The following KIF1B variants were observed in gnomAD, a reference collection of about 807,000 sequenced individuals.
The protein encoded by KIF1B is kinesin-like protein KIF1B.
A neutral mutation model predicts 241.9 loss-of-function variants in KIF1B; 76 were observed. The ratio of observed to expected loss-of-function variants is 0.31; its 90% CI spans 0.26 to 0.38. The LOEUF is 0.38. Among genes scored for constraint, KIF1B ranks in the 10% least tolerant of loss-of-function variants. The probability of loss-of-function intolerance (pLI) is 1.00; values close to 1 mark genes in which losing one functional copy is unlikely to be tolerated. For synonymous variants in KIF1B, 750 were observed against 796.7 expected (o/e 0.94, Z 0.99); for missense variants, 1,622 against 2,271.4 (o/e 0.71, Z 5.81).
chr1:10,318,589 G>T (rs1651395572), intron 22 of KIF1B, among the ~76,000 whole-genome samples: 1 of 151,892 alleles, frequency 6.6e-6, no homozygotes, highest in African/African-American at 2.4e-5. Flanking sequence ...CATGGTGGCG[G>T]GCACCTGTAG....
intron 5 of KIF1B, among the ~76,000 whole-genome samples, chr1:10,262,688 A>G (rs1648216907): frequency 6.6e-6 from 1 of 152,070 alleles, no homozygotes; most frequent in Non-Finnish European, 1.5e-5. Flanking sequence ...TAAATTTTGA[A>G]TTTCTTTGAT....
chr1:10,313,459 G>T (rs1404244992), intron 22 of KIF1B, among the ~76,000 whole-genome samples: 2 of 151,318 alleles, frequency 1.3e-5, no homozygotes, highest in African/African-American at 4.9e-5. Flanking sequence ...TTAAAAACCG[G>T]GGTAGATAGG....
At position 10,322,685 on chromosome 1, in the gene KIF1B, T is replaced by C. The variant is rs1002876018; in HGVS notation, c.2358+828T>C. Among the ~76,000 whole-genome samples the C allele has an allele frequency of 4.6e-5, 7 of 152,202 alleles. No individual in the cohort carries two copies. The East Asian group carries it at 1.3e-3, about 29-fold the overall frequency. ...AATTCTAGTTTTAGGGAATACGATA[T>C]GTTCTTCATTCATAATCTTGGCAGC... On this transcript the variant is annotated intron_variant, in intron 24 of 48. Transcript: ENST00000676179.
chr1:10,376,128 A>AT (rs1486109713), intron 48 of KIF1B, among the ~76,000 whole-genome samples: 7 of 152,094 alleles, frequency 4.6e-5, no homozygotes, highest in Admixed American at 1.3e-4. Context: ...TTCAAAATAA[A>AT]TTTAAAAGAG....
At chr1:10,312,733 G>A (rs1651122647) in intron 22 of KIF1B, among the ~76,000 whole-genome samples, 1 of 151,582 alleles carries the variant, frequency 6.6e-6, no homozygotes, top group Admixed American at 6.6e-5. Flanking sequence ...CAGTCTAGAA[G>A]TCTGTCTCCC....
intron 1 of KIF1B, among the ~76,000 whole-genome samples, chr1:10,223,167 G>A (rs1571092700): frequency 6.6e-6 from 1 of 152,068 alleles, no homozygotes; most frequent in South Asian, 2.1e-4. Flanking sequence ...CAGGAGAATC[G>A]CTTGAACCTG....
rs994563742 is a variant in KIF1B, at chr1:10,316,995, C to T, written c.2116-3048C>T. ...AGGCCTGATCATAGCGCACTACAGC[C>T]TTCAACTCCTGGGCTCCAGGGATCC... is the stretch of plus-strand genomic sequence containing the variant. On this transcript the variant is annotated intron_variant, in intron 22 of 48. Coordinates refer to ENST00000676179, the MANE Select transcript of KIF1B (RefSeq NM_001365951.3). 3.9e-4 allele frequency among the ~76,000 whole-genome samples: 59 copies of T among 151,298 alleles called. 2 individuals carry two copies. The highest frequency in any genetic ancestry group is 1.5e-3 in the African/African-American group (59 of 40,658).
chr1:10,342,939 C>T (rs569694163), intron 33 of KIF1B, among the ~76,000 whole-genome samples: 1 of 152,244 alleles, frequency 6.6e-6, no homozygotes, highest in East Asian at 1.9e-4. Flanking sequence ...GTTCTGTTTA[C>T]GTTAATGTTG....
At chr1:10,305,104 A>G (rs1177884893) in intron 22 of KIF1B, 2 of 1,067,082 alleles carry the variant, frequency 1.9e-6, no homozygotes, top group African/African-American at 3.3e-5. Flanking sequence ...AAATAATAAC[A>G]TGCAACTGGG....
chr1:10,343,625 G>T (rs1652481107), intron 34 of KIF1B, among the ~76,000 whole-genome samples: 1 of 152,148 alleles, frequency 6.6e-6, no homozygotes, highest in African/African-American at 2.4e-5. Flanking sequence ...GGGCATGGTG[G>T]CACACGCCTG....
chr1:10,375,111 C>G, intron 47 of KIF1B, 65 bp downstream of exon 47: 1 of 1,563,030 alleles, frequency 6.4e-7, no homozygotes, highest in Admixed American at 1.7e-5. Context: ...TTTCTGCACT[C>G]TCTGTTACGT....
At chr1:10,310,099 T>G (rs1221714521) in intron 22 of KIF1B, among the ~76,000 whole-genome samples, 1 of 151,620 alleles carries the variant, frequency 6.6e-6, no homozygotes, top group Non-Finnish European at 1.5e-5. Context: ...GTTTGGTTCT[T>G]CCACGAGAAT....
At chr1:10,362,384 G>T (rs1453256194) in intron 40 of KIF1B, among the ~76,000 whole-genome samples, 1 of 151,724 alleles carries the variant, frequency 6.6e-6, no homozygotes, top group East Asian at 1.9e-4. Context: ...GCTGAGGTGG[G>T]AGGATCACTT....
At chr1:10,336,553 T>C in intron 28 of KIF1B, 104 bp from the exon 29 acceptor site, 1 of 887,234 alleles carries the variant, frequency 1.1e-6, no homozygotes, top group Non-Finnish European at 1.9e-6. Flanking sequence ...TTGGTATCAT[T>C]CTCTCATGCC....
At chr1:10,304,875 C>CT in intron 22 of KIF1B, 1 of 1,387,674 alleles carries the variant, frequency 7.2e-7, no homozygotes, top group South Asian at 1.6e-5. Flanking sequence ...TCAAGAACTC[C>CT]TTTTTCTGAA....
At chr1:10,336,940 C>T (rs1652201844) in intron 29 of KIF1B, 134 bp from the exon 30 acceptor site, 1 of 1,256,310 alleles carries the variant, frequency 8.0e-7, no homozygotes, top group Admixed American at 1.7e-5. Flanking sequence ...CATTGCCTTT[C>T]CTCAGACAGC....
chr1:10,249,613 G>A (rs2102167429), intron 2 of KIF1B, among the ~76,000 whole-genome samples: 1 of 152,282 alleles, frequency 6.6e-6, no homozygotes, highest in African/African-American at 2.4e-5. Flanking sequence ...GCAAGAAATA[G>A]GCTCTTGGCT....
chr1:10,284,354 C>T (rs145671813), intron 15 of KIF1B, among the ~76,000 whole-genome samples: 2,851 of 152,012 alleles, frequency 0.019, 38 homozygotes, highest in Non-Finnish European at 0.028. Context: ...GTTCAAGACC[C>T]GCTTGGCCAA....
intron 2 of KIF1B, among the ~76,000 whole-genome samples, chr1:10,239,241 T>C (rs1557657373): frequency 6.6e-6 from 1 of 152,218 alleles, no homozygotes; most frequent in Non-Finnish European, 1.5e-5. Flanking sequence ...AGCAAAATTA[T>C]TTCCAATGTC....
Sources: gnomAD v4.1 joint callset for allele counts (sites outside exome capture counted in the v4.1 genomes callset) on GRCh38, gnomAD v4.1.1 for gene constraint, MANE v1.5 for transcripts, NCBI Gene and HGNC (gene_info 2026-07-23, HGNC 2026-07-21) for gene names.